The following NRXN3 variants were observed in gnomAD, a reference collection of about 807,000 sequenced individuals.
The protein encoded by NRXN3 is neurexin 3.
NRXN3 carries 32 observed loss-of-function variants against 137.6 expected under a neutral mutation model. The ratio of observed to expected loss-of-function variants is 0.23; its 90% CI spans 0.18 to 0.31. The LOEUF is 0.31. Among genes scored for constraint, NRXN3 ranks in the 10% least tolerant of loss-of-function variants. The pLI is 1.00. For missense variants in NRXN3, 1,574 were observed against 2,062.5 expected (o/e 0.76, Z 4.59); for synonymous variants, 798 against 784.5 (o/e 1.02, Z -0.29).
chr14:79,609,321 A>C (rs2098068662), intron 16 of NRXN3, among the ~76,000 whole-genome samples: 1 of 152,202 alleles, frequency 6.6e-6, no homozygotes, highest in African/African-American at 2.4e-5. Context: ...ACAAAACCAG[A>C]ATATATATTC....
chr14:79,451,833 G>A (rs1450844980), intron 15 of NRXN3, among the ~76,000 whole-genome samples: 2 of 152,186 alleles, frequency 1.3e-5, no homozygotes, highest in African/African-American at 4.8e-5. Context: ...TTCTTGATCT[G>A]CACCGTGGCA....
chr14:79,662,625 T>G (rs1364530635), intron 16 of NRXN3, among the ~76,000 whole-genome samples: 1 of 152,096 alleles, frequency 6.6e-6, no homozygotes, highest in Non-Finnish European at 1.5e-5. Context: ...GAAAAGAGTT[T>G]TTAATTGGCT....
intron 15 of NRXN3, among the ~76,000 whole-genome samples, chr14:79,166,569 A>G (rs887912158): frequency 1.3e-5 from 2 of 150,860 alleles, no homozygotes; most frequent in Non-Finnish European, 3.0e-5. Flanking sequence ...TTTCTTGTCC[A>G]GAGGAATGAA....
At position 78,301,225 on chromosome 14, in the gene NRXN3, TC is replaced by T. The variant is rs371977213; in HGVS notation, c.757+3366del. ...CCTGTATATGTGGGATTCGGAATTTTCTGATGGGGTGATGGGTTCAGAAGGG... is the reference window on the plus strand; with the variant it reads ...CCTGTATATGTGGGATTCGGAATTTTTGATGGGGTGATGGGTTCAGAAGGG... On this transcript the variant is annotated intron_variant, in intron 4 of 20. Transcript: ENST00000335750. Among the ~76,000 whole-genome samples the T allele has an allele frequency of 2.6e-3, 392 of 152,252 alleles. 4 individuals carry two copies. Among genetic ancestry groups the T allele is most frequent in the African/African-American group, 8.8e-3 (366 of 41,520 alleles).
At position 78,425,566 on chromosome 14, in the gene NRXN3, C is replaced by A. The variant is rs951918270; in HGVS notation, c.757+127706C>A. ...ACAGGCCAGCAGGGGCCCCTCCCAC[C>A]CCTTGACTAAACCCTCTGCATTCCT... is the stretch of plus-strand genomic sequence containing the variant. On this transcript the variant is annotated intron_variant, in intron 4 of 20. Transcript: ENST00000335750. Among the ~76,000 whole-genome samples, 3 of 152,090 alleles carry A rather than the reference C, an allele frequency of 2.0e-5. No homozygotes were observed. The East Asian group carries it at 5.8e-4, about 29-fold the overall frequency.
At chr14:79,033,366 G>T (rs903956892) in intron 15 of NRXN3, among the ~76,000 whole-genome samples, 1 of 152,034 alleles carries the variant, frequency 6.6e-6, no homozygotes, top group African/African-American at 2.4e-5. Context: ...TTCATTCTCT[G>T]CAGAATGAGG....
chr14:78,737,261 C>T, intron 8 of NRXN3, among the ~76,000 whole-genome samples: 1 of 152,190 alleles, frequency 6.6e-6, no homozygotes, highest in East Asian at 1.9e-4. Context: ...TGCCCATCTG[C>T]TGGGGGTGAT....
At chr14:78,349,941 C>T (rs2083254608) in intron 4 of NRXN3, among the ~76,000 whole-genome samples, 1 of 152,162 alleles carries the variant, frequency 6.6e-6, no homozygotes, top group South Asian at 2.1e-4. Flanking sequence ...CTTGAAGCTC[C>T]AAATCTCCCT....
At chr14:79,417,835 A>G in intron 15 of NRXN3, among the ~76,000 whole-genome samples, 1 of 152,148 alleles carries the variant, frequency 6.6e-6, no homozygotes, top group East Asian at 1.9e-4. Flanking sequence ...GCTCTCTGAG[A>G]TGATATGCCA....
At chr14:79,595,526 TA>T (rs1472356422) in intron 16 of NRXN3, among the ~76,000 whole-genome samples, 3 of 152,212 alleles carry the variant, frequency 2.0e-5, no homozygotes, top group African/African-American at 7.2e-5. Flanking sequence ...AATTTCCATT[TA>T]AATTTAAAAA....
intron 16 of NRXN3, among the ~76,000 whole-genome samples, chr14:79,650,104 ATTGC>A (rs111731789): frequency 7.4e-4 from 113 of 151,958 alleles, no homozygotes; most frequent in Non-Finnish European, 1.2e-3. Context: ...TCTGCTGCAG[ATTGC>A]TTGCTTGCTT....
chr14:78,926,657 ATT>A (rs1173833832), intron 10 of NRXN3, among the ~76,000 whole-genome samples: 37 of 79,756 alleles, frequency 4.6e-4, no homozygotes, highest in African/African-American at 1.3e-3. Flanking sequence ...TAATATATAT[ATT>A]TATTATATAT....
chr14:79,269,531 C>A (rs533269939), intron 15 of NRXN3, among the ~76,000 whole-genome samples: 4 of 152,126 alleles, frequency 2.6e-5, no homozygotes, highest in Admixed American at 2.6e-4. Flanking sequence ...TTTTTCTTAC[C>A]GGCGACTGAG....
At chr14:78,699,080 C>T (rs889760115) in intron 6 of NRXN3, among the ~76,000 whole-genome samples, 3 of 152,028 alleles carry the variant, frequency 2.0e-5, no homozygotes, top group African/African-American at 7.3e-5. Context: ...ATAGGTTTCT[C>T]CCCTTGAGAG....
intron 6 of NRXN3, among the ~76,000 whole-genome samples, chr14:78,685,720 C>T (rs1323224530): frequency 6.6e-6 from 1 of 151,016 alleles, no homozygotes; most frequent in African/African-American, 2.4e-5. Flanking sequence ...ACAACCTCCA[C>T]CTCCTGGGTT....
intron 15 of NRXN3, among the ~76,000 whole-genome samples, chr14:79,397,350 TAAC>T (rs1393209604): frequency 6.6e-6 from 1 of 152,228 alleles, no homozygotes; most frequent in Non-Finnish European, 1.5e-5. Context: ...AGATAATTGA[TAAC>T]AAGACCCATG....
intron 1 of NRXN3, among the ~76,000 whole-genome samples, chr14:78,225,973 T>TGTTGG (rs1567012828): frequency 3.4e-4 from 8 of 23,454 alleles, no homozygotes; most frequent in African/African-American, 8.1e-4. Context: ...GTGTGTGTGT[T>TGTTGG]GGTGTGTGTG....
intron 16 of NRXN3, among the ~76,000 whole-genome samples, chr14:79,639,755 T>C (rs767521299): frequency 3.0e-4 from 45 of 152,320 alleles, no homozygotes; most frequent in African/African-American, 1.0e-3. Flanking sequence ...GTCATAAATA[T>C]TTTTACAGGT....
chr14:78,809,246 A>C (rs780771556), intron 9 of NRXN3, among the ~76,000 whole-genome samples: 4 of 152,034 alleles, frequency 2.6e-5, no homozygotes, highest in Non-Finnish European at 5.9e-5. Flanking sequence ...CCAGTTGGTC[A>C]CTCTTTTCTT....
Sources: allele counts gnomAD v4.1 joint callset (sites outside exome capture counted in the v4.1 genomes callset), GRCh38; gene constraint gnomAD v4.1.1; transcripts MANE v1.5; gene names NCBI Gene and HGNC (gene_info 2026-07-23, HGNC 2026-07-21).